Variants in DISC1 observed in about 807,000 individuals in gnomAD.
DISC1 encodes disrupted in schizophrenia 1 protein.
In DISC1, 57 loss-of-function variants were observed where a neutral mutation model predicts 84.5. That is an observed-to-expected ratio of 0.67 (90% CI 0.55 to 0.84). DISC1 has a LOEUF of 0.84. Among genes scored for constraint, DISC1 ranks in the 40% least tolerant of loss-of-function variants. The pLI, the probability that DISC1 is intolerant of heterozygous loss-of-function variation, is 0.00. For missense variants in DISC1, 1,000 were observed against 1,057.8 expected, an observed-to-expected ratio of 0.95 and a Z score of 0.76; for synonymous variants, 411 against 415.2, an observed-to-expected ratio of 0.99 and a Z score of 0.12.
intron 9 of DISC1, among the ~76,000 whole-genome samples, chr1:231,863,403 G>A (rs1393471152): frequency 6.6e-6 from 1 of 150,820 alleles, no homozygotes; most frequent in Non-Finnish European, 1.5e-5. Context: ...GCTAATTTTT[G>A]TACTTTTAGT....
At chr1:231,836,458 G>A (rs2082636642) in intron 9 of DISC1, among the ~76,000 whole-genome samples, 1 of 152,152 alleles carries the variant, frequency 6.6e-6, no homozygotes, top group Non-Finnish European at 1.5e-5. Flanking sequence ...ATAGTTCCCT[G>A]CCCTTCTCTG....
At chr1:232,026,369 C>G (rs773015034) in intron 11 of DISC1, 66 bp from the exon 12 acceptor site, 6 of 1,126,380 alleles carry the variant, frequency 5.3e-6, no homozygotes, top group Non-Finnish European at 7.8e-6. Flanking sequence ...TTCCAGGAAG[C>G]TTCCCTTTGT....
At chr1:231,972,077 C>A (rs12126582) in intron 10 of DISC1, among the ~76,000 whole-genome samples, 5,563 of 152,080 alleles carry the variant, frequency 0.037, 141 homozygotes, top group Non-Finnish European at 0.052. Context: ...GCGGTAATTA[C>A]GCTGCCCGGT....
chr1:231,810,923 G>C (rs1376171961), intron 8 of DISC1, among the ~76,000 whole-genome samples: 1 of 152,170 alleles, frequency 6.6e-6, no homozygotes, highest in Non-Finnish European at 1.5e-5. Flanking sequence ...CAGCTTCCGG[G>C]GTTGCTTTTT....
intron 1 of DISC1, among the ~76,000 whole-genome samples, chr1:231,692,459 A>G (rs2125645301): frequency 6.6e-6 from 1 of 152,298 alleles, no homozygotes; most frequent in African/African-American, 2.4e-5. Flanking sequence ...GAGATTATCA[A>G]TGCCACCCCC....
intron 1 of DISC1, among the ~76,000 whole-genome samples, chr1:231,654,228 C>T (rs761322713): frequency 6.6e-6 from 1 of 152,096 alleles, no homozygotes; most frequent in African/African-American, 2.4e-5. Context: ...CTCAAATAGA[C>T]AAACGTCTTT....
At chr1:231,884,344 A>G (rs2086518667) in intron 9 of DISC1, among the ~76,000 whole-genome samples, 1 of 152,198 alleles carries the variant, frequency 6.6e-6, no homozygotes, top group African/African-American at 2.4e-5. Context: ...GAGAACGTGC[A>G]GTATTTGGTT....
chr1:231,748,265 G>C (rs2074228252), intron 3 of DISC1, among the ~76,000 whole-genome samples: 1 of 152,166 alleles, frequency 6.6e-6, no homozygotes, highest in Admixed American at 6.5e-5. Flanking sequence ...AGGACTTCCA[G>C]TGCTATGTTG....
chr1:231,945,850 C>G (rs529988652), intron 9 of DISC1, among the ~76,000 whole-genome samples: 13 of 152,284 alleles, frequency 8.5e-5, no homozygotes, highest in African/African-American at 2.6e-4. Flanking sequence ...TGCAAATGAA[C>G]TAGAAAATCT....
chr1:232,037,010 A>C lies in DISC1; in HGVS notation c.*179A>C, dbSNP rs1415635082. On this transcript the variant is annotated 3_prime_UTR_variant, in exon 13 of 13. Transcript: ENST00000439617. ...TCAGTGTGAAACTGAGGAGTCTGCA[A>C]TTTGGAATATGGAGAGAGAGACTGA... 1 of 552,154 alleles carries C rather than the reference A, an allele frequency of 1.8e-6. No homozygotes were observed. Among genetic ancestry groups the C allele is most frequent in the East Asian group, 3.5e-5 (1 of 28,498 alleles). 34.2% of individuals were successfully genotyped at this position (552,154 alleles called of 1,614,324 possible). A position where few individuals can be genotyped will look rare whatever the true frequency, so the allele number is the denominator to read the frequency against.
intron 1 of DISC1, among the ~76,000 whole-genome samples, chr1:231,687,891 T>C (rs1444961082): frequency 6.6e-6 from 1 of 152,120 alleles, no homozygotes; most frequent in African/African-American, 2.4e-5. Flanking sequence ...ATGTACTTAA[T>C]GCCACTGAAT....
At chr1:231,959,050 G>T (rs535210600) in intron 10 of DISC1, 162 bp downstream of exon 10, 148 of 1,409,972 alleles carry the variant, frequency 1.0e-4, no homozygotes, top group Non-Finnish European at 1.2e-4. Context: ...GAAAGAGCAG[G>T]TGCCAGCCCT....
intron 9 of DISC1, among the ~76,000 whole-genome samples, chr1:231,947,689 A>G: frequency 6.6e-6 from 1 of 152,340 alleles, no homozygotes; most frequent in African/African-American, 2.4e-5. Context: ...AATGGGGGAA[A>G]ATTTTTGCAA....
Position 232,019,091 on chromosome 1 carries a change from G to A in DISC1, c.2308-7344G>A, listed in dbSNP as rs144486218. On this transcript the variant is annotated intron_variant, in intron 11 of 12. Transcript: ENST00000439617. ...CCTTTTATGAGCAAGGTAGGACGACGGAGGCAGGGCCAGGACCTCATCATC... is the reference window on the plus strand; with the variant it reads ...CCTTTTATGAGCAAGGTAGGACGACAGAGGCAGGGCCAGGACCTCATCATC... Among the ~76,000 whole-genome samples, 70 of 152,274 alleles carry A rather than the reference G, an allele frequency of 4.6e-4. 1 individual carries two copies. The highest frequency in any genetic ancestry group is 1.6e-3 in the African/African-American group (66 of 41,536).
intron 3 of DISC1, among the ~76,000 whole-genome samples, chr1:231,727,612 A>G (rs150296006): frequency 9.4e-4 from 143 of 152,314 alleles, no homozygotes; most frequent in African/African-American, 3.2e-3. Flanking sequence ...ATCAAGAAGC[A>G]ATTAAACCCA....
chr1:231,749,320 T>C (rs1409763915), intron 3 of DISC1, among the ~76,000 whole-genome samples: 3 of 152,258 alleles, frequency 2.0e-5, no homozygotes, highest in Non-Finnish European at 2.9e-5. Flanking sequence ...AGTTTATTTT[T>C]ATTTTTAAGA....
chr1:231,687,852 A>C (rs899148856), intron 1 of DISC1, among the ~76,000 whole-genome samples: 5 of 152,198 alleles, frequency 3.3e-5, no homozygotes, highest in Non-Finnish European at 5.9e-5. Context: ...CTTCAGGTGC[A>C]TGATGGTGAT....
intron 4 of DISC1, chr1:231,750,737 A>G (rs909612069): frequency 4.0e-6 from 1 of 252,712 alleles, no homozygotes; most frequent in Non-Finnish European, 6.2e-6. Context: ...GCTGAGAACC[A>G]CTGCTCCATC....
intron 2 of DISC1, among the ~76,000 whole-genome samples, chr1:231,695,719 C>A (rs115469125): frequency 6.6e-6 from 1 of 152,028 alleles, no homozygotes; most frequent in Admixed American, 6.6e-5. Flanking sequence ...TGTGTTTCTG[C>A]GTGTGGTGTG....
Sources: gnomAD v4.1 joint callset for allele counts (sites outside exome capture counted in the v4.1 genomes callset) on GRCh38, gnomAD v4.1.1 for gene constraint, MANE v1.5 for transcripts, NCBI Gene and HGNC (gene_info 2026-07-23, HGNC 2026-07-21) for gene names.